RNF207: variants seen among roughly 807,000 people sequenced by gnomAD.
RNF207 encodes the protein ring finger protein 207.
RNF207 carries 72 observed loss-of-function variants against 79.0 expected under a neutral mutation model. The observed-to-expected ratio is 0.91, with a 90% CI of 0.75 to 1.11. The LOEUF is 1.11. RNF207 is among the 50% of genes least tolerant of loss of function. The pLI, the probability that RNF207 is intolerant of heterozygous loss-of-function variation, is 0.00. For missense variants in RNF207, 936 were observed against 855.8 expected (o/e 1.09, Z -1.17); for synonymous variants, 348 against 366.2 (o/e 0.95, Z 0.57).
Position 6,213,141 on chromosome 1 carries a change from A to C in RNF207, c.1610A>C (p.Tyr537Ser). Residue 537 changes from tyrosine (Y) to serine (S), a missense_variant, in exon 16 of 18, where the codon TAC becomes TCC. By Grantham distance (144) the Tyr-to-Ser change is moderately radical. Coordinates refer to ENST00000377939, the MANE Select transcript of RNF207 (RefSeq NM_207396.3). ...ACCATCACCAAGCAGATCACGCCCT[A>C]CGTCCGCTCCATTGCCAAGGTGAAG... is the stretch of plus-strand genomic sequence containing the variant. ...LTTITKQITP[Y>S]VRSIAKVKER... is the part of the protein sequence containing the mutation. 4.3e-6 allele frequency: 7 copies of C among 1,613,234 alleles called. No individual in the cohort carries two copies. The highest frequency in any genetic ancestry group is 5.9e-6 in the Non-Finnish European group (7 of 1,179,718).
chr1:6,208,918 A>G lies in RNF207; in HGVS notation c.362A>G (p.Gln121Arg), dbSNP rs1265929189. The change falls in exon 4 of 18, where the codon CAG becomes CGG. Residue 121 changes from glutamine (Q) to arginine (R), a missense_variant. Transcript: ENST00000377939. ...ACGTACTTCTGCAACACGTGCGGAC[A>G]GCCCCTATGCGCGCGCTGCCGCGAC... is the stretch of plus-strand genomic sequence containing the variant. Reference protein sequence around the residue: ...ETTYFCNTCGQPLCARCRDET... With the variant: ...ETTYFCNTCGRPLCARCRDET... 3 of 1,533,984 alleles carry G rather than the reference A, an allele frequency of 2.0e-6. No individual in the cohort carries two copies. The South Asian group carries it at 3.6e-5, about 18-fold the overall frequency.
intron 8 of RNF207, 25 bp downstream of exon 8, chr1:6,209,995 C>T (rs1668092720): frequency 6.4e-7 from 1 of 1,562,784 alleles, no homozygotes; most frequent in East Asian, 2.3e-5. Context: ...GCGGGGCTTG[C>T]TTCCCTTACC....
At chr1:6,215,758 G>T (rs776970553) in intron 16 of RNF207, among the ~76,000 whole-genome samples, 12 of 152,194 alleles carry the variant, frequency 7.9e-5, no homozygotes, top group Non-Finnish European at 1.2e-4. Context: ...CACCTCCCAG[G>T]TTCAATCGAT....
At chr1:6,213,660 C>T (rs1668262417) in intron 16 of RNF207, among the ~76,000 whole-genome samples, 1 of 152,084 alleles carries the variant, frequency 6.6e-6, no homozygotes. Context: ...AGAGTTGGTC[C>T]CTCCAACCCT....
rs933167579 is a variant in RNF207, at chr1:6,217,149, G to A, written c.1653-1140G>A. Among the ~76,000 whole-genome samples the A allele has an allele frequency of 7.9e-5, 12 of 152,102 alleles. No homozygotes were observed. Among genetic ancestry groups the A allele is most frequent in the Non-Finnish European group, 1.0e-4 (7 of 68,004 alleles). ...CTTCCAAAATGCTGGGATTATAGAC[G>A]TGACCGTGCCTAGCCATGTTAGTCT... On this transcript the variant is annotated intron_variant, in intron 16 of 17. Transcript: ENST00000377939. The surrounding 1 kb of genome is among the most constrained non-coding windows in gnomAD (Gnocchi z 4.2).
rs760270175 is a variant in RNF207, at chr1:6,209,286, C to T, written c.570C>T (p.Cys190=). The T allele has an allele frequency of 1.0e-5, 16 of 1,548,666 alleles. No homozygotes were observed. The highest frequency in any genetic ancestry group is 1.4e-5 in the Non-Finnish European group (16 of 1,146,684). The change falls in exon 6 of 18, where the codon TGC becomes TGT. Residue 190 remains cysteine (C), a synonymous_variant. Transcript: ENST00000377939. ...RDMQKESRAH[C]VDLESAYVQG... ...TCTGCAGGGAGAGCCGGGCACACTGCGTGGACCTGGAATCGGCTTACGTGC... is the reference window on the plus strand; with the variant it reads ...TCTGCAGGGAGAGCCGGGCACACTGTGTGGACCTGGAATCGGCTTACGTGC...
At chr1:6,209,598 G>C in intron 7 of RNF207, 59 bp downstream of exon 7, 11 of 1,414,168 alleles carry the variant, frequency 7.8e-6, no homozygotes, top group Non-Finnish European at 1.0e-5. Flanking sequence ...CACAGGGCTG[G>C]TCCCTTGCCC....
intron 14 of RNF207, 44 bp downstream of exon 14, chr1:6,212,460 G>A: frequency 6.5e-7 from 1 of 1,545,636 alleles, no homozygotes; most frequent in East Asian, 2.2e-5. Flanking sequence ...CCTGTCAGGG[G>A]ATACCTGGGC....
intron 10 of RNF207, 177 bp downstream of exon 10, chr1:6,210,615 C>T (rs1322065546): frequency 7.9e-6 from 5 of 631,946 alleles, no homozygotes; most frequent in Non-Finnish European, 1.4e-5. Context: ...GTTACAAGGA[C>T]AGTGAAGCCA....
intron 17 of RNF207, 102 bp from the exon 18 acceptor site, chr1:6,219,134 G>A (rs905929358): frequency 1.9e-6 from 2 of 1,067,496 alleles, no homozygotes; most frequent in Non-Finnish European, 1.3e-6. Flanking sequence ...AGGCCTTCCA[G>A]GAAGACGTTC....
chr1:6,207,756 G>C lies in RNF207; in HGVS notation c.324+245G>C, dbSNP rs1667972142. 1 of 675,556 alleles carries C rather than the reference G, an allele frequency of 1.5e-6. No individual in the cohort carries two copies. Among genetic ancestry groups the C allele is most frequent in the Non-Finnish European group, 2.7e-6 (1 of 368,136 alleles). 41.8% of individuals were successfully genotyped at this position (675,556 alleles called of 1,614,324 possible). A position where few individuals can be genotyped will look rare whatever the true frequency, so the allele number is the denominator to read the frequency against. On this transcript the variant is annotated intron_variant, in intron 3 of 17. Coordinates refer to ENST00000377939, the MANE Select transcript of RNF207 (RefSeq NM_207396.3). The surrounding 1 kb of genome is among the most constrained non-coding windows in gnomAD (Gnocchi z 4.5). ...AGGCTAAGGCCATTCGATCTGGGGA[G>C]AGCTCACTGGTCCCCAATTCAGGGT...
At chr1:6,219,147 T>C in intron 17 of RNF207, 89 bp from the exon 18 acceptor site, 1 of 1,230,872 alleles carries the variant, frequency 8.1e-7, no homozygotes, top group South Asian at 1.7e-5. Flanking sequence ...AGACGTTCCA[T>C]TCTGAGTGCT....
intron 10 of RNF207, 60 bp from the exon 11 acceptor site, chr1:6,210,810 C>T: frequency 6.8e-7 from 1 of 1,459,924 alleles, no homozygotes; most frequent in African/African-American, 1.4e-5. Context: ...TCCATCTCCC[C>T]TCTTCCTGCC....
In RNF207 at chr1:6,219,246, G is replaced by A. The variant is rs1668465135; in HGVS notation, c.1744G>A (p.Gly582Arg). ...NNAASARNNP[G>R]SVPEKREKTS... ...AGGCTGTCCCTTTAGGAATAATCCA[G>A]GAAGTGTCCCGGAAAAGAGAGAGAA... Residue 582 changes from glycine to arginine, a missense_variant, in exon 18 of 18, where the codon GGA becomes AGA. Coordinates refer to ENST00000377939, the MANE Select transcript of RNF207 (RefSeq NM_207396.3). The A allele has an allele frequency of 6.2e-6, 10 of 1,610,504 alleles. No homozygotes were observed. Among genetic ancestry groups the A allele is most frequent in the Non-Finnish European group, 8.5e-6 (10 of 1,178,474 alleles).
At chr1:6,214,081 G>C (rs957865918) in intron 16 of RNF207, among the ~76,000 whole-genome samples, 10 of 152,318 alleles carry the variant, frequency 6.6e-5, no homozygotes, top group Admixed American at 5.9e-4. Flanking sequence ...CTCCATTCTA[G>C]CTTCATACTT....
rs1219261008 is a variant in RNF207, at chr1:6,207,864, T to C, written c.324+353T>C. ...AAGGGCCTCTGCTACCCAAGTGGCA[T>C]AGAAGCAGCTACAGCCCAGGGGAGG... is the stretch of plus-strand genomic sequence containing the variant. On this transcript the variant is annotated intron_variant, in intron 3 of 17. Transcript: ENST00000377939. The surrounding 1 kb of genome is among the most constrained non-coding windows in gnomAD (Gnocchi z 4.5). 5 of 446,128 alleles carry C rather than the reference T, an allele frequency of 1.1e-5. No homozygotes were observed. Among genetic ancestry groups the C allele is most frequent in the Admixed American group, 2.8e-5 (1 of 35,140 alleles). The allele number at this position is 446,128 out of a possible 1,614,324, so 27.6% of individuals were successfully genotyped here.
rs942124940 is a variant in RNF207 at position 6,211,866 on chromosome 1, G to A, written c.1110-1G>A. 4.5e-6 allele frequency: 7 copies of A among 1,547,726 alleles called. No homozygotes were observed. The highest frequency in any genetic ancestry group is 3.9e-5 in the Admixed American group (2 of 50,954). On this transcript the variant is annotated splice_acceptor_variant, in intron 12 of 17. Coordinates refer to ENST00000377939, the MANE Select transcript of RNF207 (RefSeq NM_207396.3). LOFTEE classifies it high-confidence loss of function. This position sits in a 1 kb window ranked among gnomAD's most constrained non-coding sequence, Gnocchi z 4.2. ...TGCATCCACACTGGCTCTCTCCCCA[G>A]GCTGGCAGGGGGCTTAGGCCCCAAG...
chr1:6,213,878 T>A (rs1668269750), intron 16 of RNF207, among the ~76,000 whole-genome samples: 1 of 152,204 alleles, frequency 6.6e-6, no homozygotes, highest in Non-Finnish European at 1.5e-5. Context: ...TCGCTGTTCC[T>A]GTCTCTGAGT....
chr1:6,219,341 G>A lies in RNF207; in HGVS notation c.1839G>A (p.Met613Ile), dbSNP rs1668471386. ...CAGAAGAGCCTCTACTGAAAAATAT[G>A]GATCATCACAGATCCAAACAGAAAA... ...GLSEEPLLKNMDHHRSKQKNG... is the reference protein window; with the variant it reads ...GLSEEPLLKNIDHHRSKQKNG... The change falls in exon 18 of 18, where the codon ATG becomes ATA. Residue 613 changes from methionine (M) to isoleucine (I), a missense_variant. Met to Ile is a conservative substitution (Grantham distance 10). Coordinates refer to ENST00000377939, the MANE Select transcript of RNF207 (RefSeq NM_207396.3). 1 of 1,613,282 alleles carries A rather than the reference G, an allele frequency of 6.2e-7. No individual in the cohort carries two copies. The highest frequency in any genetic ancestry group is 1.3e-5 in the African/African-American group (1 of 74,972).
Sources: gnomAD v4.1 joint callset for allele counts (sites outside exome capture counted in the v4.1 genomes callset) on GRCh38, gnomAD v4.1.1 for gene constraint, Gnocchi (gnomAD v3.1) non-coding constraint, MANE v1.5 for transcripts, NCBI Gene and HGNC (gene_info 2026-07-23, HGNC 2026-07-21) for gene names.